Variants in GCKR observed in about 807,000 individuals in gnomAD.
GCKR encodes the protein glucokinase regulatory protein.
Under a neutral mutation model 82.9 loss-of-function variants are expected in GCKR, and 73 were observed. The ratio of observed to expected loss-of-function variants is 0.88; its 90% CI spans 0.73 to 1.07. The LOEUF (loss-of-function observed/expected upper bound fraction) is 1.07. Among genes scored for constraint, GCKR ranks in the 50% least tolerant of loss-of-function variants. GCKR has a pLI of 0.00. For missense variants in GCKR, 784 were observed against 782.1 expected (o/e 1.00, Z -0.03); for synonymous variants, 294 against 291.8 (o/e 1.01, Z -0.08).
chr2:27,520,400 G>A (rs1670122248), intron 17 of GCKR, among the ~76,000 whole-genome samples: 1 of 152,174 alleles, frequency 6.6e-6, no homozygotes, highest in Non-Finnish European at 1.5e-5. Flanking sequence ...CCAGAAGGGG[G>A]ACTGGGCATG....
intron 16 of GCKR, among the ~76,000 whole-genome samples, chr2:27,515,792 C>T (rs1293358173): frequency 1.5e-5 from 2 of 135,682 alleles, no homozygotes; most frequent in African/African-American, 5.5e-5. Context: ...GAGACAGAAT[C>T]TCACTCTGTC....
rs749093477 is a variant in GCKR at position 27,506,535 on chromosome 2, C to T, written c.924C>T (p.Ser308=). Residue 308 remains serine (S), a synonymous_variant, in exon 11 of 19, where the codon AGC becomes AGT. Transcript: ENST00000264717. ...TFERAHQVTY[S]QSPKIATLMK... ...AGCGAGCTCATCAGGTGACCTACAG[C>T]CAAAGCCCCAAGATTGCCACCCTGA... 35 of 1,613,764 alleles carry T rather than the reference C, an allele frequency of 2.2e-5. No homozygotes were observed. In the South Asian group the frequency reaches 3.6e-4, roughly 17 times the overall value.
rs760501504 is a variant in GCKR, at chr2:27,505,724, G to A, written c.757G>A (p.Gly253Ser). The A allele has an allele frequency of 1.9e-6, 3 of 1,594,148 alleles. No homozygotes were observed. In the Admixed American group the frequency reaches 5.0e-5, roughly 27 times the overall value. ...GGTGTCTTCACCTCTTCAGCCCGAGGGTCTCAGCGGCTCCTCCCGGATGAA... is the reference window on the plus strand; with the variant it reads ...GGTGTCTTCACCTCTTCAGCCCGAGAGTCTCAGCGGCTCCTCCCGGATGAA... ...FVLNPAIGPE[G>S]LSGSSRMKGG... The change falls in exon 10 of 19, where the codon GGT becomes AGT. Residue 253 changes from glycine (G) to serine (S), a missense_variant. Coordinates refer to ENST00000264717, the MANE Select transcript of GCKR (RefSeq NM_001486.4).
intron 16 of GCKR, chr2:27,509,442 T>C (rs1669826563): frequency 3.0e-6 from 1 of 334,994 alleles, no homozygotes; most frequent in South Asian, 2.2e-5. Context: ...CCTGCTCAAC[T>C]GATCCTCCCA....
intron 14 of GCKR, 64 bp from the exon 15 acceptor site, chr2:27,507,913 A>C: frequency 7.9e-7 from 1 of 1,269,932 alleles, no homozygotes; most frequent in Non-Finnish European, 1.2e-6. Flanking sequence ...GACCCCAGCC[A>C]GGGGAGCAGG....
At chr2:27,503,016 G>A (rs758673307) in intron 8 of GCKR, among the ~76,000 whole-genome samples, 14 of 152,212 alleles carry the variant, frequency 9.2e-5, no homozygotes, top group Non-Finnish European at 1.3e-4. Flanking sequence ...ACAACTGTGA[G>A]GTGCTACCTT....
intron 9 of GCKR, 136 bp from the exon 10 acceptor site, chr2:27,505,582 C>A: frequency 1.4e-6 from 1 of 709,534 alleles, no homozygotes; most frequent in Non-Finnish European, 2.6e-6. Flanking sequence ...CTCGGTCAAG[C>A]CCACCCCAGC....
At chr2:27,510,614 T>C (rs918027385) in intron 16 of GCKR, among the ~76,000 whole-genome samples, 36 of 152,198 alleles carry the variant, frequency 2.4e-4, no homozygotes, top group Admixed American at 2.1e-3. Context: ...TACACCCTTA[T>C]ACATACTGGA....
intron 3 of GCKR, 35 bp downstream of exon 3, chr2:27,497,665 T>C (rs1322358226): frequency 1.3e-5 from 17 of 1,314,846 alleles, no homozygotes; most frequent in Non-Finnish European, 1.9e-5. Context: ...GCCTAAACTT[T>C]TCTGTTTCCC....
intron 16 of GCKR, 76 bp from the exon 17 acceptor site, chr2:27,518,712 G>C (rs1474767259): frequency 8.3e-7 from 1 of 1,206,926 alleles, no homozygotes; most frequent in Non-Finnish European, 1.2e-6. Context: ...TTTCCTGTCT[G>C]ATAACAGGGC....
intron 7 of GCKR, among the ~76,000 whole-genome samples, chr2:27,500,617 T>C (rs1463268208): frequency 1.3e-5 from 2 of 152,176 alleles, no homozygotes; most frequent in Non-Finnish European, 2.9e-5. Context: ...TCTTGCTACT[T>C]AAAATGTGGT....
rs1670076163 is a variant in GCKR, at chr2:27,518,818, G to T, written c.1453G>T (p.Val485Leu). 6.2e-7 allele frequency: 1 copy of T among 1,613,378 alleles called. No individual in the cohort carries two copies. The highest frequency in any genetic ancestry group is 8.5e-7 in the Non-Finnish European group (1 of 1,179,322). Residue 485 changes from valine to leucine, a missense_variant, in exon 17 of 19, where the codon GTG becomes TTG. By Grantham distance (32) the Val-to-Leu change is conservative. Coordinates refer to ENST00000264717, the MANE Select transcript of GCKR (RefSeq NM_001486.4). Reference protein sequence around the residue: ...KFQRELSTKWVLNTVSTGAHV... With the variant: ...KFQRELSTKWLLNTVSTGAHV... Reference sequence around the variant, plus strand: ...CCAGCGTGAGCTAAGCACCAAATGGGTGCTGAATACAGTGAGTACAGGTGC... The same window carrying T: ...CCAGCGTGAGCTAAGCACCAAATGGTTGCTGAATACAGTGAGTACAGGTGC...
At chr2:27,513,130 C>T (rs1000251162) in intron 16 of GCKR, among the ~76,000 whole-genome samples, 11 of 152,148 alleles carry the variant, frequency 7.2e-5, no homozygotes, top group Admixed American at 2.0e-4. Context: ...TTAGCATCCA[C>T]TGATGATTCT....
chr2:27,504,075 C>CT (rs1275130975), intron 9 of GCKR, among the ~76,000 whole-genome samples: 3 of 152,166 alleles, frequency 2.0e-5, no homozygotes, highest in Non-Finnish European at 4.4e-5. Context: ...TCTCTTGTTC[C>CT]TTTTTTTCTC....
chr2:27,497,458 C>G, intron 2 of GCKR, 59 bp downstream of exon 2: 1 of 1,596,654 alleles, frequency 6.3e-7, no homozygotes, highest in Non-Finnish European at 8.6e-7. Flanking sequence ...AACCCCACCT[C>G]TGCTCTCCCT....
rs553943382 is a variant in GCKR, at chr2:27,497,593, T to C, written c.248T>C (p.Met83Thr). 2.9e-5 allele frequency: 47 copies of C among 1,612,786 alleles called. 1 individual carries two copies. In the South Asian group the frequency reaches 4.4e-4, roughly 15 times the overall value. Residue 83 changes from methionine (M) to threonine (T), a missense_variant, in exon 3 of 19, where the codon ATG becomes ACG. Coordinates refer to ENST00000264717, the MANE Select transcript of GCKR (RefSeq NM_001486.4). ...RLYSESILTTMVQVAGKVQEV... is the reference protein window; with the variant it reads ...RLYSESILTTTVQVAGKVQEV... ...TACAGCGAATCCATTCTGACCACCA[T>C]GGTACAGGTGGCTGGGAAAGTTCAG...
intron 10 of GCKR, 83 bp from the exon 11 acceptor site, chr2:27,506,398 C>T: frequency 1.1e-6 from 1 of 901,060 alleles, no homozygotes; most frequent in East Asian, 2.4e-5. Context: ...GGAGCTGTGC[C>T]TTCACCTCCC....
chr2:27,506,698 A>G lies in GCKR; in HGVS notation c.969-90A>G, dbSNP rs1669755141. ...CGATAGGATTGCATGTTGAAGGGTC[A>G]TGGTTTGTTGACTCCTGTGTTCTTC... On this transcript the variant is annotated intron_variant, in intron 11 of 18. Transcript: ENST00000264717. The G allele has an allele frequency of 3.6e-6, 4 of 1,096,888 alleles. No individual in the cohort carries two copies. The South Asian group carries it at 4.9e-5, about 14-fold the overall frequency. The allele number at this position is 1,096,888 out of a possible 1,614,324, so 67.9% of individuals were successfully genotyped here.
At position 27,498,815 on chromosome 2, in the gene GCKR, A is replaced by C. The variant is rs201268198; in HGVS notation, c.428+18A>C. On this transcript the variant is annotated intron_variant, in intron 5 of 18. Transcript: ENST00000264717. ...GGTGACAGGTAAGCCAAGTTAGCCT[A>C]TGAATATTTTGTTTGACCTAAATAG... is the stretch of plus-strand genomic sequence containing the variant. 6.8e-7 allele frequency: 1 copy of C among 1,475,168 alleles called. No individual in the cohort carries two copies. The highest frequency in any genetic ancestry group is 1.4e-5 in the African/African-American group (1 of 72,244). 91.4% of individuals were successfully genotyped at this position (1,475,168 alleles called of 1,614,324 possible).
Sources: allele counts gnomAD v4.1 joint callset (sites outside exome capture counted in the v4.1 genomes callset), GRCh38; gene constraint gnomAD v4.1.1; transcripts MANE v1.5; gene names NCBI Gene and HGNC (gene_info 2026-07-23, HGNC 2026-07-21).